The following ITPR2 variants were observed in gnomAD, a reference collection of about 807,000 sequenced individuals.
ITPR2 encodes the protein inositol 1,4,5-trisphosphate receptor type 2.
ITPR2 carries 207 observed loss-of-function variants against 317.1 expected under a neutral mutation model. That is an observed-to-expected ratio of 0.65 (90% CI 0.58 to 0.73). ITPR2 has a LOEUF of 0.73. Ranked by LOEUF, ITPR2 falls within the 30% of genes least tolerant of loss-of-function variation. ITPR2 has a pLI of 0.00. For synonymous variants in ITPR2, 1,156 were observed against 1,149.1 expected, an observed-to-expected ratio of 1.01 and a Z score of -0.12; for missense variants, 2,613 against 3,284.0, an observed-to-expected ratio of 0.80 and a Z score of 4.99.
intron 21 of ITPR2, among the ~76,000 whole-genome samples, chr12:26,641,391 G>A (rs552673880): frequency 3.3e-4 from 50 of 151,436 alleles, no homozygotes; most frequent in South Asian, 8.3e-4. Context: ...AGTCAACTGT[G>A]TATAAAGAAA....
chr12:26,622,139 CCA>C (rs1946510656), intron 25 of ITPR2, 99 bp downstream of exon 25: 13 of 1,010,922 alleles, frequency 1.3e-5, no homozygotes, highest in Non-Finnish European at 1.8e-5. Context: ...CCAGGAAAAG[CCA>C]CACAGTGTCA....
intron 26 of ITPR2, among the ~76,000 whole-genome samples, chr12:26,617,917 A>G (rs1327320115): frequency 6.6e-6 from 1 of 152,234 alleles, no homozygotes; most frequent in Non-Finnish European, 1.5e-5. Flanking sequence ...AATCACCAAG[A>G]TATTTTAAAT....
At position 26,485,958 on chromosome 12, in the gene ITPR2, T is replaced by C. The variant is rs539217716; in HGVS notation, c.5811+146A>G. Reference sequence around the variant, plus strand: ...TTCCTTTTCTTCACTGATACCAAAGTTTCTTCCCATTTCAGAGGAGCACTA... The same window carrying C: ...TTCCTTTTCTTCACTGATACCAAAGCTTCTTCCCATTTCAGAGGAGCACTA... On this transcript the variant is annotated intron_variant, in intron 41 of 56. Coordinates refer to ENST00000381340, the MANE Select transcript of ITPR2 (RefSeq NM_002223.4). 521 of 858,604 alleles carry C rather than the reference T, an allele frequency of 6.1e-4. 1 individual carries two copies. The African/African-American group carries it at 6.8e-3, about 11-fold the overall frequency. 53.2% of individuals were successfully genotyped at this position (858,604 alleles called of 1,614,324 possible).
chr12:26,432,209 A>C (rs547237219), intron 48 of ITPR2, among the ~76,000 whole-genome samples: 8 of 150,826 alleles, frequency 5.3e-5, no homozygotes, highest in Non-Finnish European at 1.0e-4. Flanking sequence ...AGGGTCACAC[A>C]TGGGATTCAG....
At chr12:26,541,462 C>G (rs1944259933) in intron 37 of ITPR2, among the ~76,000 whole-genome samples, 1 of 152,118 alleles carries the variant, frequency 6.6e-6, no homozygotes, top group South Asian at 2.1e-4. Flanking sequence ...AATGTACTCA[C>G]CTCTAAAATG....
At chr12:26,364,069 G>C (rs1300339470) in intron 55 of ITPR2, among the ~76,000 whole-genome samples, 1 of 152,152 alleles carries the variant, frequency 6.6e-6, no homozygotes, top group Non-Finnish European at 1.5e-5. Context: ...GCTAGGCTCT[G>C]CCTGTTCCTC....
chr12:26,391,555 C>CTTTTTTTTTTTTTTTTTTTTTTTTTTTTT lies in ITPR2; in HGVS notation c.7697-3962_7697-3961insAAAAAAAAAAAAAAAAAAAAAAAAAAAAA, dbSNP rs1491173931. Among the ~76,000 whole-genome samples, 6 of 70,854 alleles carry CTTTTTTTTTTTTTTTTTTTTTTTTTTTTT rather than the reference C, an allele frequency of 8.5e-5. 2 individuals carry two copies. The highest frequency in any genetic ancestry group is 1.3e-4 in the Non-Finnish European group (5 of 38,654). The allele number at this position is 70,854 out of a possible 152,430, so 46.5% of individuals were successfully genotyped here. ...AGCTTCTTCTTCTTCTTCTTCTTTT[C>CTTTTTTTTTTTTTTTTTTTTTTTTTTTTT]CTTTTTTTTTTTTTTTTTTTTTTTT... On this transcript the variant is annotated intron_variant, in intron 54 of 56. Coordinates refer to ENST00000381340, the MANE Select transcript of ITPR2 (RefSeq NM_002223.4).
chr12:26,819,360 T>C (rs1031181829), intron 1 of ITPR2, among the ~76,000 whole-genome samples: 4 of 152,196 alleles, frequency 2.6e-5, no homozygotes, highest in African/African-American at 9.6e-5. Context: ...ACTTAGTCAA[T>C]AGATATGATA....
chr12:26,640,215 C>T (rs1946953955), intron 21 of ITPR2, among the ~76,000 whole-genome samples: 1 of 152,108 alleles, frequency 6.6e-6, no homozygotes, highest in African/African-American at 2.4e-5. Flanking sequence ...TTCAGTCATT[C>T]TCATTATTTG....
At chr12:26,608,481 T>C (rs1322046919) in intron 26 of ITPR2, among the ~76,000 whole-genome samples, 1 of 131,342 alleles carries the variant, frequency 7.6e-6, no homozygotes, top group Non-Finnish European at 1.8e-5. Context: ...CGCCTCTGCC[T>C]GGCCGCCCCA....
Position 26,421,456 on chromosome 12 carries a change from C to T in ITPR2, c.6946-2243G>A, listed in dbSNP as rs368625832. The T allele has an allele frequency of 9.9e-5, 15 of 152,108 alleles. No homozygotes were observed. The East Asian group carries it at 1.2e-3, about 12-fold the overall frequency. The allele number at this position is 152,108 out of a possible 1,614,324, so 9.4% of individuals were successfully genotyped here. ...TGTTCATATGAAGGGGAAATATGTG[C>T]AAGAATAAATGATTCGGGTGGGAAA... On this transcript the variant is annotated intron_variant, in intron 49 of 56. Transcript: ENST00000381340.
chr12:26,435,526 A>C (rs1224771228), intron 48 of ITPR2, among the ~76,000 whole-genome samples: 1 of 152,140 alleles, frequency 6.6e-6, no homozygotes, highest in Non-Finnish European at 1.5e-5. Flanking sequence ...CCTGTAACAT[A>C]CTTCCCATGC....
intron 49 of ITPR2, 137 bp from the exon 50 acceptor site, chr12:26,419,350 G>T: frequency 1.5e-6 from 1 of 686,742 alleles, no homozygotes; most frequent in Non-Finnish European, 2.3e-6. Flanking sequence ...TTTTTGACAT[G>T]GATGAAAACT....
intron 37 of ITPR2, among the ~76,000 whole-genome samples, chr12:26,523,686 C>A (rs144942396): frequency 6.2e-4 from 95 of 152,278 alleles, no homozygotes; most frequent in African/African-American, 2.2e-3. Context: ...ATGCAAATAT[C>A]CTTGCTGGAA....
chr12:26,768,987 C>G (rs1218912471), intron 2 of ITPR2, among the ~76,000 whole-genome samples: 1 of 60,216 alleles, frequency 1.7e-5, no homozygotes, highest in African/African-American at 4.2e-5. Context: ...TCCAAGTCAT[C>G]CAGTAGAACA....
chr12:26,675,440 C>T (rs1327251332), intron 13 of ITPR2, among the ~76,000 whole-genome samples: 2 of 151,938 alleles, frequency 1.3e-5, no homozygotes, highest in African/African-American at 4.8e-5. Context: ...AGTAAACTAT[C>T]GCAAGAACAA....
intron 1 of ITPR2, among the ~76,000 whole-genome samples, chr12:26,802,905 T>TA (rs1950583775): frequency 6.6e-6 from 1 of 152,148 alleles, no homozygotes; most frequent in African/African-American, 2.4e-5. Flanking sequence ...TGTAAGGATA[T>TA]AAGTTTTGAA....
At chr12:26,343,100 C>G (rs1047711012) in intron 55 of ITPR2, among the ~76,000 whole-genome samples, 1 of 152,154 alleles carries the variant, frequency 6.6e-6, no homozygotes, top group Non-Finnish European at 1.5e-5. Context: ...GCTGGTGCCA[C>G]GCTTCTTGTG....
Position 26,601,847 on chromosome 12 carries a change from G to A in ITPR2, c.3678+523C>T, listed in dbSNP as rs79883562. Among the ~76,000 whole-genome samples, 305 of 152,110 alleles carry A rather than the reference G, an allele frequency of 2.0e-3. 2 individuals carry two copies. Among genetic ancestry groups the A allele is most frequent in the African/African-American group, 7.0e-3 (292 of 41,488 alleles). ...ATCAGTCATGGGACAAATCAAAATC[G>A]TGCACCAACAAATAGGAAGCAATGA... On this transcript the variant is annotated intron_variant, in intron 28 of 56. Coordinates refer to ENST00000381340, the MANE Select transcript of ITPR2 (RefSeq NM_002223.4).
Sources: gnomAD v4.1 joint callset for allele counts (sites outside exome capture counted in the v4.1 genomes callset) on GRCh38, gnomAD v4.1.1 for gene constraint, MANE v1.5 for transcripts, NCBI Gene and HGNC (gene_info 2026-07-23, HGNC 2026-07-21) for gene names.